The following MAF variants were observed in gnomAD, a reference collection of about 807,000 sequenced individuals.
MAF encodes MAF bZIP transcription factor.
A neutral mutation model predicts 22.0 loss-of-function variants in MAF; 10 were observed. The ratio of observed to expected loss-of-function variants is 0.45; its 90% CI spans 0.28 to 0.77. MAF has a LOEUF of 0.77. Among genes scored for constraint, MAF ranks in the 30% least tolerant of loss-of-function variants. The probability of loss-of-function intolerance (pLI) is 0.12; values close to 1 mark genes in which losing one functional copy is unlikely to be tolerated. For synonymous variants in MAF, 337 were observed against 255.8 expected (o/e 1.32, Z -3.03); for missense variants, 544 against 548.4 (o/e 0.99, Z 0.08).
At chr16:79,232,619 G>A in the MAF span, among the ~76,000 whole-genome samples, 5 of 151,914 alleles carry the variant, frequency 3.3e-5, no homozygotes, top group African/African-American at 1.2e-4. Context: ...ATGGCACATG[G>A]ACAGTGTGTG....
At chr16:79,596,432 G>T in intron 1 of MAF, 1 of 1,054,872 alleles carries the variant, frequency 9.5e-7, no homozygotes. Context: ...CTTTTAACGA[G>T]GTTGTTGGGC....
At chr16:79,273,739 T>A in the MAF span, among the ~76,000 whole-genome samples, 1 of 152,186 alleles carries the variant, frequency 6.6e-6, no homozygotes, top group Admixed American at 6.5e-5. Flanking sequence ...CCCACCCAGA[T>A]AGTCCAGGGT....
In MAF at chr16:79,599,306, C is replaced by T; in HGVS notation, c.597G>A (p.Ala199=). The T allele has an allele frequency of 1.0e-6, 1 of 981,040 alleles. No individual in the cohort carries two copies. Among genetic ancestry groups the T allele is most frequent in the South Asian group, 4.6e-5 (1 of 21,870 alleles). The allele number at this position is 981,040 out of a possible 1,614,324, so 60.8% of individuals were successfully genotyped here. Residue 199 remains alanine, a synonymous_variant, in exon 1 of 2, where the codon GCG becomes GCA. Coordinates refer to ENST00000326043, the MANE Select transcript of MAF (RefSeq NM_005360.5). ...CGGCCGCGCTGCCCGCGGCGCCGGG[C>T]GCGCCGGCCGTCGGGTGGTGGTGGT... The part of the protein sequence containing the change: ...AGHHHHPTAG[A]PGAAGSAAAS...
chr16:79,447,049 T>C, the MAF span, among the ~76,000 whole-genome samples: 12 of 148,470 alleles, frequency 8.1e-5, no homozygotes, highest in Non-Finnish European at 1.5e-4. Context: ...AAATGATGTA[T>C]GCAGTGTTAT....
chr16:79,479,466 A>T, the MAF span, among the ~76,000 whole-genome samples: 1 of 152,304 alleles, frequency 6.6e-6, no homozygotes, highest in Non-Finnish European at 1.5e-5. Flanking sequence ...CCAGTAGTTC[A>T]TTTCTGTGGT....
chr16:79,364,489 C>G, the MAF span, among the ~76,000 whole-genome samples: 49 of 152,270 alleles, frequency 3.2e-4, 1 homozygote, highest in African/African-American at 1.2e-3. Context: ...GGAAGAGGAA[C>G]GGTCCCAGAA....
chr16:79,428,219 C>T, the MAF span, among the ~76,000 whole-genome samples: 2 of 152,130 alleles, frequency 1.3e-5, no homozygotes, highest in Admixed American at 1.3e-4. Context: ...CTCACCTCCT[C>T]CACCTGCAGC....
the MAF span, among the ~76,000 whole-genome samples, chr16:79,289,867 T>TTTTTC: frequency 7.2e-4 from 85 of 118,532 alleles, no homozygotes; most frequent in East Asian, 1.2e-3. Flanking sequence ...TTTTTTTTTT[T>TTTTTC]TGTGAGACGG....
the MAF span, among the ~76,000 whole-genome samples, chr16:79,347,582 C>T: frequency 1.3e-5 from 2 of 152,162 alleles, no homozygotes; most frequent in African/African-American, 4.8e-5. Flanking sequence ...TCGCATGCAC[C>T]GAGCGGGGAA....
chr16:79,435,246 G>GCGCACA, the MAF span, among the ~76,000 whole-genome samples: 2 of 150,152 alleles, frequency 1.3e-5, no homozygotes, highest in African/African-American at 4.9e-5. Context: ...CTGCGACTGT[G>GCGCACA]CACACACACA....
chr16:79,477,651 T>G, the MAF span, among the ~76,000 whole-genome samples: 1 of 152,346 alleles, frequency 6.6e-6, no homozygotes, highest in Admixed American at 6.5e-5. Flanking sequence ...GAATTATCCA[T>G]GTATTCGTAT....
the MAF span, among the ~76,000 whole-genome samples, chr16:79,219,124 C>A: frequency 6.6e-6 from 1 of 152,156 alleles, no homozygotes; most frequent in Admixed American, 6.5e-5. Context: ...ATAAAAGCTC[C>A]TTTTAATTTT....
chr16:79,262,690 A>G, the MAF span, among the ~76,000 whole-genome samples: 1 of 152,250 alleles, frequency 6.6e-6, no homozygotes. Context: ...TAAGAGCAGA[A>G]TCTGCTCTGA....
At chr16:79,295,921 C>T in the MAF span, among the ~76,000 whole-genome samples, 106 of 152,228 alleles carry the variant, frequency 7.0e-4, no homozygotes, top group Non-Finnish European at 1.3e-3. Flanking sequence ...TTGCATTCTG[C>T]TGTTGGGCTC....
the MAF span, among the ~76,000 whole-genome samples, chr16:79,267,120 C>G: frequency 6.6e-6 from 1 of 152,184 alleles, no homozygotes; most frequent in African/African-American, 2.4e-5. Context: ...TAAGAGACCC[C>G]AACATCTCAG....
the MAF span, among the ~76,000 whole-genome samples, chr16:79,551,950 C>G: frequency 6.6e-6 from 1 of 152,080 alleles, no homozygotes; most frequent in African/African-American, 2.4e-5. Context: ...TTACCTAATT[C>G]TGCCTCCTGC....
the MAF span, among the ~76,000 whole-genome samples, chr16:79,410,810 G>A: frequency 2.0e-5 from 3 of 152,214 alleles, no homozygotes; most frequent in African/African-American, 7.2e-5. Flanking sequence ...ATAGATGGCA[G>A]ATGACTTGTA....
the MAF span, among the ~76,000 whole-genome samples, chr16:79,277,336 C>T: frequency 6.6e-6 from 1 of 152,196 alleles, no homozygotes; most frequent in Non-Finnish European, 1.5e-5. Context: ...ATTCCACCCA[C>T]AAAAGTTTCT....
chr16:79,317,206 T>C, the MAF span, among the ~76,000 whole-genome samples: 406 of 145,776 alleles, frequency 2.8e-3, 5 homozygotes, highest in African/African-American at 9.8e-3. Context: ...CCTTCATCTG[T>C]CCCTCTTTTC....
Sources: allele counts gnomAD v4.1 joint callset (sites outside exome capture counted in the v4.1 genomes callset), GRCh38; gene constraint gnomAD v4.1.1; transcripts MANE v1.5; gene names NCBI Gene and HGNC (gene_info 2026-07-23, HGNC 2026-07-21).